The following ZMYM2 variants were observed in gnomAD, a reference collection of about 807,000 sequenced individuals.
ZMYM2 encodes zinc finger MYM-type containing 2.
ZMYM2 carries 56 observed loss-of-function variants against 162.8 expected under a neutral mutation model. The observed-to-expected ratio is 0.34, with a 90% CI of 0.28 to 0.43. ZMYM2 has a LOEUF of 0.43. ZMYM2 is among the 20% of genes least tolerant of loss of function. ZMYM2 has a pLI of 1.00. For synonymous variants in ZMYM2, 510 were observed against 541.6 expected (o/e 0.94, Z 0.81); for missense variants, 1,275 against 1,621.8 (o/e 0.79, Z 3.67).
intron 3 of ZMYM2, 79 bp from the exon 4 acceptor site, chr13:20,002,771 A>C: frequency 6.6e-7 from 1 of 1,512,508 alleles, no homozygotes; most frequent in South Asian, 1.3e-5. Flanking sequence ...TGGGAAGTTA[A>C]TATTTCTCTG....
the ZMYM2 span, among the ~76,000 whole-genome samples, chr13:19,893,051 G>A: frequency 4.0e-5 from 6 of 151,684 alleles, no homozygotes; most frequent in Non-Finnish European, 8.8e-5. Flanking sequence ...TTCTGTTTGG[G>A]ATAATAAAAA....
intron 21 of ZMYM2, among the ~76,000 whole-genome samples, chr13:20,074,094 A>G (rs540890690): frequency 7.4e-4 from 112 of 152,136 alleles, no homozygotes; most frequent in Non-Finnish European, 1.4e-3. Flanking sequence ...TAGGCACCTC[A>G]TATAAGTGGA....
chr13:19,929,944 T>C, the ZMYM2 span, among the ~76,000 whole-genome samples: 6,868 of 152,268 alleles, frequency 0.045, 184 homozygotes, highest in South Asian at 0.091. Context: ...ATCCATGTGT[T>C]GTTTTAATAA....
intron 2 of ZMYM2, among the ~76,000 whole-genome samples, chr13:19,972,529 A>G (rs1956418460): frequency 1.3e-5 from 2 of 152,050 alleles, no homozygotes; most frequent in South Asian, 4.1e-4. Flanking sequence ...AAAGATCTCC[A>G]TTTTAACTGT....
At chr13:19,895,317 T>C in the ZMYM2 span, among the ~76,000 whole-genome samples, 115,155 of 151,708 alleles carry the variant, frequency 0.76, 47,370 homozygotes, top group East Asian at 0.92. Flanking sequence ...TCTGGATATA[T>C]TCCCTGTCTT....
intron 6 of ZMYM2, among the ~76,000 whole-genome samples, chr13:20,013,339 A>G (rs1857967801): frequency 1.3e-5 from 2 of 152,142 alleles, no homozygotes; most frequent in Non-Finnish European, 2.9e-5. Flanking sequence ...TAGCTCTACT[A>G]GCTTTATGAG....
chr13:19,939,314 G>A, the ZMYM2 span, among the ~76,000 whole-genome samples: 26 of 151,594 alleles, frequency 1.7e-4, no homozygotes, highest in Middle Eastern at 3.2e-3. Context: ...GTGAGCCACC[G>A]CACCCAGCCG....
rs1450705750 is a variant in ZMYM2, at chr13:19,993,228, G to A, written c.156G>A (p.Ser52=). The part of the protein sequence containing the change: ...LVSRSNKFQN[S]SVEDDDDVVF... ...CTAGATCTAATAAGTTTCAGAACTC[G>A]TCAGTGGAAGATGATGATGATGTTG... The change falls in exon 3 of 25, where the codon TCG becomes TCA. Residue 52 remains serine, a synonymous_variant. Transcript: ENST00000610343. 5.6e-6 allele frequency: 9 copies of A among 1,613,814 alleles called. No individual in the cohort carries two copies. Among genetic ancestry groups the A allele is most frequent in the East Asian group, 4.5e-5 (2 of 44,884 alleles).
the ZMYM2 span, among the ~76,000 whole-genome samples, chr13:19,887,277 C>T: frequency 6.6e-6 from 1 of 151,598 alleles, no homozygotes; most frequent in Non-Finnish European, 1.5e-5. Context: ...GTATGTAATC[C>T]CAGCACTTTG....
intron 3 of ZMYM2, among the ~76,000 whole-genome samples, chr13:19,995,455 G>A (rs1355532064): frequency 1.3e-5 from 2 of 152,126 alleles, no homozygotes; most frequent in Non-Finnish European, 2.9e-5. Flanking sequence ...GTATCGCCCA[G>A]GCTGGAGTGC....
intron 12 of ZMYM2, among the ~76,000 whole-genome samples, 173 bp from the exon 13 acceptor site, chr13:20,051,260 T>TC (rs2140569538): frequency 6.6e-6 from 1 of 151,858 alleles, no homozygotes; most frequent in African/African-American, 2.4e-5. Flanking sequence ...ATTGTATTTT[T>TC]TTTTTTTTTT....
At chr13:19,961,265 T>C (rs1955180869) in intron 2 of ZMYM2, among the ~76,000 whole-genome samples, 1 of 152,184 alleles carries the variant, frequency 6.6e-6, no homozygotes, top group African/African-American at 2.4e-5. Context: ...AATTTAATTA[T>C]CACGAAAACC....
At chr13:20,034,490 A>G (rs1953498121) in intron 11 of ZMYM2, 86 bp downstream of exon 11, 4 of 1,261,980 alleles carry the variant, frequency 3.2e-6, no homozygotes, top group Admixed American at 3.0e-5. Flanking sequence ...TGGCTGCACA[A>G]TTTTAATGTA....
chr13:20,082,349 C>G (rs1007720020), intron 22 of ZMYM2, among the ~76,000 whole-genome samples: 6 of 152,168 alleles, frequency 3.9e-5, no homozygotes, highest in Non-Finnish European at 7.4e-5. Flanking sequence ...AATCTACTTT[C>G]TCTGGAGTAC....
the ZMYM2 span, among the ~76,000 whole-genome samples, chr13:19,920,815 T>C: frequency 6.6e-6 from 1 of 151,976 alleles, no homozygotes; most frequent in Admixed American, 6.6e-5. Context: ...CAGGCTGGAG[T>C]GCAATGACAT....
At chr13:19,902,359 G>A in the ZMYM2 span, among the ~76,000 whole-genome samples, 1 of 152,216 alleles carries the variant, frequency 6.6e-6, no homozygotes, top group Non-Finnish European at 1.5e-5. Flanking sequence ...GCTCACGCCT[G>A]TAATCCCAGC....
At chr13:19,875,657 G>C in the ZMYM2 span, among the ~76,000 whole-genome samples, 2 of 139,268 alleles carry the variant, frequency 1.4e-5, no homozygotes, top group African/African-American at 2.6e-5. Context: ...AAAAAATTAT[G>C]TTATTGTTTC....
At position 20,087,838 on chromosome 13, in the gene ZMYM2, ATAAT is replaced by A. The variant is rs1477366751; in HGVS notation, c.*1825_*1828del. ...GACAAGTGGGTAACATTTAAAATAT[ATAAT>A]ACAAAAATTTTCTCTAACTTACCTT... On this transcript the variant is annotated 3_prime_UTR_variant, in exon 25 of 25. Transcript: ENST00000610343. The A allele has an allele frequency of 1.1e-5, 2 of 186,690 alleles. No homozygotes were observed. The highest frequency in any genetic ancestry group is 2.3e-5 in the Non-Finnish European group (2 of 88,358). 11.6% of individuals were successfully genotyped at this position (186,690 alleles called of 1,614,324 possible).
the ZMYM2 span, among the ~76,000 whole-genome samples, chr13:19,939,084 C>T: frequency 1.4e-5 from 2 of 142,460 alleles, no homozygotes; most frequent in East Asian, 2.1e-4. Flanking sequence ...AGTGCAATGG[C>T]GTGATCTCGG....
Sources: allele counts gnomAD v4.1 joint callset (sites outside exome capture counted in the v4.1 genomes callset), GRCh38; gene constraint gnomAD v4.1.1; transcripts MANE v1.5; gene names NCBI Gene and HGNC (gene_info 2026-07-23, HGNC 2026-07-21).